Variants in GPR160 observed in about 807,000 individuals in gnomAD.
GPR160 encodes the protein probable G protein-coupled receptor 160.
A neutral mutation model predicts 2.6 loss-of-function variants in GPR160; 2 were observed. That is an observed-to-expected ratio of 0.77 (90% CI 0.32 to 2.44). GPR160 has a LOEUF of 2.44. Among genes scored for constraint, GPR160 ranks in the 30% most tolerant of loss-of-function variants. The pLI is 0.11. For missense variants in GPR160, 351 were observed against 383.6 expected (o/e 0.91, Z 0.71); for synonymous variants, 130 against 132.2 (o/e 0.98, Z 0.12).
rs143774209 is a variant in GPR160 at position 170,079,802 on chromosome 3, C to G, written c.-164C>G. 37 of 152,184 alleles carry G rather than the reference C, an allele frequency of 2.4e-4. No homozygotes were observed. In the East Asian group the frequency reaches 6.6e-3, roughly 27 times the overall value. 9.4% of individuals were successfully genotyped at this position (152,184 alleles called of 1,614,324 possible). A position where few individuals can be genotyped will look rare whatever the true frequency, so the allele number is the denominator to read the frequency against. ...TTACTCACATAGCATATTGGTATAT[C>G]AAAATGAAATGCAAGGAACCAAAAA... On this transcript the variant is annotated 5_prime_UTR_variant, in exon 3 of 4. It adds an upstream start codon to the 5' untranslated region. Coordinates refer to ENST00000355897, the MANE Select transcript of GPR160 (RefSeq NM_014373.3).
chr3:170,067,413 T>C (rs554605770), intron 2 of GPR160, among the ~76,000 whole-genome samples: 52 of 152,324 alleles, frequency 3.4e-4, no homozygotes, highest in African/African-American at 1.1e-3. Context: ...TATTTCAATA[T>C]TGGGATTTTG....
intron 2 of GPR160, among the ~76,000 whole-genome samples, chr3:170,063,552 C>CAAAAAAAAAA (rs528295183): frequency 1.0e-3 from 79 of 78,778 alleles, no homozygotes; most frequent in African/African-American, 1.4e-3. Flanking sequence ...ACAAAAAAAG[C>CAAAAAAAAAA]AAAAAAAAAA....
In GPR160 at chr3:170,054,856, C is replaced by T. The variant is rs1576895184; in HGVS notation, c.-193+15813C>T. 4.0e-5 allele frequency among the ~76,000 whole-genome samples: 6 copies of T among 151,752 alleles called. No homozygotes were observed. In the South Asian group the frequency reaches 8.3e-4, roughly 21 times the overall value. On this transcript the variant is annotated intron_variant, in intron 2 of 3. Coordinates refer to ENST00000355897, the MANE Select transcript of GPR160 (RefSeq NM_014373.3). ...TCACCCGGGGTGGAATGCAGTGGCCCGATCTTGGCTCACTGCAACCTCTGC... is the reference window on the plus strand; with the variant it reads ...TCACCCGGGGTGGAATGCAGTGGCCTGATCTTGGCTCACTGCAACCTCTGC...
intron 2 of GPR160, among the ~76,000 whole-genome samples, chr3:170,045,793 A>G (rs909324378): frequency 6.6e-6 from 1 of 152,056 alleles, no homozygotes; most frequent in Non-Finnish European, 1.5e-5. Flanking sequence ...GCCAGAGCAA[A>G]CAGGGAGAGG....
chr3:170,043,086 T>G (rs9862886), intron 2 of GPR160, among the ~76,000 whole-genome samples: 2,836 of 152,154 alleles, frequency 0.019, 83 homozygotes, highest in African/African-American at 0.064. Context: ...TTTCGCCATG[T>G]TAGCCAGGAT....
At chr3:170,051,005 G>A (rs952511840) in intron 2 of GPR160, among the ~76,000 whole-genome samples, 3 of 152,174 alleles carry the variant, frequency 2.0e-5, no homozygotes, top group African/African-American at 7.2e-5. Flanking sequence ...GAGTCATGTG[G>A]TAAGTTTATG....
At chr3:170,063,552 C>CAAAAAAAA (rs528295183) in intron 2 of GPR160, among the ~76,000 whole-genome samples, 3 of 78,940 alleles carry the variant, frequency 3.8e-5, no homozygotes, top group African/African-American at 1.2e-4. Flanking sequence ...ACAAAAAAAG[C>CAAAAAAAA]AAAAAAAAAA....
rs1302816674 is a variant in GPR160 at position 170,044,571 on chromosome 3, T to C, written c.-193+5528T>C. Among the ~76,000 whole-genome samples the C allele has an allele frequency of 5.9e-5, 9 of 152,220 alleles. No individual in the cohort carries two copies. The East Asian group carries it at 1.4e-3, about 23-fold the overall frequency. ...GGAATGGCTCCAAACTCCCACACCATTGGGTCTTTGTGAGTAGGCAGGTGG... is the reference window on the plus strand; with the variant it reads ...GGAATGGCTCCAAACTCCCACACCACTGGGTCTTTGTGAGTAGGCAGGTGG... On this transcript the variant is annotated intron_variant, in intron 2 of 3. Transcript: ENST00000355897.
In GPR160 at chr3:170,038,389, T is replaced by G. The variant is rs1337689622; in HGVS notation, c.-322+174T>G. ...TCAGGGGCTGGGGGTTCTCTGCTAC[T>G]TAAGAGATCCAGGAGTGGAGCCCGG... On this transcript the variant is annotated intron_variant, in intron 1 of 3. Coordinates refer to ENST00000355897, the MANE Select transcript of GPR160 (RefSeq NM_014373.3). This position sits in a 1 kb window ranked among gnomAD's most constrained non-coding sequence, Gnocchi z 5.3. 1 of 152,106 alleles carries G rather than the reference T, an allele frequency of 6.6e-6. No individual in the cohort carries two copies. Among genetic ancestry groups the G allele is most frequent in the Admixed American group, 6.5e-5 (1 of 15,276 alleles). 9.4% of individuals were successfully genotyped at this position (152,106 alleles called of 1,614,324 possible). A position where few individuals can be genotyped will look rare whatever the true frequency, so the allele number is the denominator to read the frequency against.
At chr3:170,054,805 T>C (rs1711548762) in intron 2 of GPR160, among the ~76,000 whole-genome samples, 1 of 152,054 alleles carries the variant, frequency 6.6e-6, no homozygotes, top group Non-Finnish European at 1.5e-5. Flanking sequence ...TTCTTTTTTT[T>C]TTTTTTGAGA....
In GPR160 at chr3:170,084,108, A is replaced by C. The variant is rs531269179; in HGVS notation, c.136A>C (p.Arg46=). 8 of 1,596,282 alleles carry C rather than the reference A, an allele frequency of 5.0e-6. No homozygotes were observed. In the Admixed American group the frequency reaches 1.2e-4, roughly 24 times the overall value. ...ATTAAATATCCTTACACTAGGAATGAGAAGAAAAAACACCTGTCAAAATTT... is the reference window on the plus strand; with the variant it reads ...ATTAAATATCCTTACACTAGGAATGCGAAGAAAAAACACCTGTCAAAATTT... ...ILLNILTLGM[R]RKNTCQNFME... is the part of the protein sequence containing the mutation. The change falls in exon 4 of 4, where the codon AGA becomes CGA. Residue 46 remains arginine, a synonymous_variant. Transcript: ENST00000355897.
chr3:170,064,820 GCA>G lies in GPR160; in HGVS notation c.-192-14953_-192-14952del, dbSNP rs1300167890. Among the ~76,000 whole-genome samples, 9 of 152,040 alleles carry G rather than the reference GCA, an allele frequency of 5.9e-5. No individual in the cohort carries two copies. The East Asian group carries it at 1.5e-3, about 26-fold the overall frequency. ...GGCGTGAACCACCGCACCCAGCTATGCAGGACCCATTCTTACTGAGTGAGACT... is the reference window on the plus strand; with the variant it reads ...GGCGTGAACCACCGCACCCAGCTATGGGACCCATTCTTACTGAGTGAGACT... On this transcript the variant is annotated intron_variant, in intron 2 of 3. Coordinates refer to ENST00000355897, the MANE Select transcript of GPR160 (RefSeq NM_014373.3).
At chr3:170,068,137 CTCTT>C (rs1353841802) in intron 2 of GPR160, among the ~76,000 whole-genome samples, 1 of 152,034 alleles carries the variant, frequency 6.6e-6, no homozygotes, top group Admixed American at 6.6e-5. Flanking sequence ...AGTTGAAACA[CTCTT>C]TATTTTTATT....
intron 2 of GPR160, among the ~76,000 whole-genome samples, chr3:170,074,347 A>G (rs1712747309): frequency 6.6e-6 from 1 of 151,996 alleles, no homozygotes; most frequent in Non-Finnish European, 1.5e-5. Flanking sequence ...CAATTTTGGT[A>G]ATTTCTTTCT....
intron 2 of GPR160, among the ~76,000 whole-genome samples, chr3:170,052,225 C>T (rs1251111053): frequency 1.3e-5 from 2 of 152,206 alleles, no homozygotes; most frequent in South Asian, 2.1e-4. Context: ...TGCACTTGGC[C>T]GACCTGTTTT....
At chr3:170,058,371 C>G (rs922727273) in intron 2 of GPR160, among the ~76,000 whole-genome samples, 3 of 152,138 alleles carry the variant, frequency 2.0e-5, no homozygotes, top group African/African-American at 7.2e-5. Context: ...TGGTCTTCCT[C>G]ATGTCTGCTC....
intron 2 of GPR160, among the ~76,000 whole-genome samples, chr3:170,066,272 C>G (rs1483983633): frequency 1.3e-5 from 2 of 150,950 alleles, no homozygotes; most frequent in East Asian, 1.9e-4. Context: ...TCCCGAGTAG[C>G]TGGGACTACA....
At chr3:170,047,648 C>T (rs1233239396) in intron 2 of GPR160, among the ~76,000 whole-genome samples, 1 of 151,972 alleles carries the variant, frequency 6.6e-6, no homozygotes. Context: ...TGGAATCAAC[C>T]TAAGTGTCCA....
At chr3:170,044,319 C>T (rs1382249055) in intron 2 of GPR160, among the ~76,000 whole-genome samples, 2 of 1,468 alleles carry the variant, frequency 1.4e-3, no homozygotes, top group African/African-American at 0.013. Context: ...AGCGAAACTC[C>T]ATCTCAAAAA....
Sources: gnomAD v4.1 joint callset for allele counts (sites outside exome capture counted in the v4.1 genomes callset) on GRCh38, gnomAD v4.1.1 for gene constraint, Gnocchi (gnomAD v3.1) non-coding constraint, MANE v1.5 for transcripts, NCBI Gene and HGNC (gene_info 2026-07-23, HGNC 2026-07-21) for gene names.